MID2: variants seen among roughly 807,000 people sequenced by gnomAD.
MID2 encodes the protein midline 2, also known as probable E3 ubiquitin-protein ligase MID2.
Under a neutral mutation model 46.1 loss-of-function variants are expected in MID2, and 13 were observed. The ratio of observed to expected loss-of-function variants is 0.28; its 90% CI spans 0.18 to 0.45. The LOEUF is 0.45. Ranked by LOEUF, MID2 falls within the 20% of genes least tolerant of loss-of-function variation. The probability of loss-of-function intolerance (pLI) is 1.00; values close to 1 mark genes in which losing one functional copy is unlikely to be tolerated. For synonymous variants in MID2, 199 were observed against 212.3 expected (o/e 0.94, Z 0.55); for missense variants, 431 against 575.4 (o/e 0.75, Z 2.57).
At chrX:107,907,708 C>T (rs1168632661) in intron 5 of MID2, among the ~76,000 whole-genome samples, 2 of 111,758 alleles carry the variant, frequency 1.8e-5, no homozygotes, top group East Asian at 2.8e-4. Context: ...CAGCAAACTT[C>T]GCGAAAGACT....
At position 107,825,984 on chromosome X, in the gene MID2, G is replaced by A. The variant is rs1930930773; in HGVS notation, c.-443G>A. ...AGGTGGCCGAGCACCCCTTCTTCTTGGGCCCTTCCCAGTGCTCCCTTGGGG... is the reference window on the plus strand; with the variant it reads ...AGGTGGCCGAGCACCCCTTCTTCTTAGGCCCTTCCCAGTGCTCCCTTGGGG... On this transcript the variant is annotated 5_prime_UTR_variant, in exon 1 of 10. Transcript: ENST00000262843. The A allele has an allele frequency of 3.6e-6, 1 of 274,715 alleles. No homozygotes were observed. Among genetic ancestry groups the A allele is most frequent in the Non-Finnish European group, 6.4e-6 (1 of 156,819 alleles). 22.6% of individuals were successfully genotyped at this position (274,715 alleles called of 1,213,427 possible). A position where few individuals can be genotyped will look rare whatever the true frequency, so the allele number is the denominator to read the frequency against.
chrX:107,873,721 A>G (rs779469046), intron 3 of MID2, among the ~76,000 whole-genome samples: 93 of 110,555 alleles, frequency 8.4e-4, no homozygotes, highest in African/African-American at 3.0e-3. Flanking sequence ...CTGCCAATCT[A>G]TTTTGCTTGG....
chrX:107,918,657 C>T (rs1933014903), intron 7 of MID2, among the ~76,000 whole-genome samples: 2 of 111,415 alleles, frequency 1.8e-5, no homozygotes, highest in African/African-American at 3.3e-5. Context: ...ACATTTGCTT[C>T]GTGCAGCTCC....
intron 5 of MID2, among the ~76,000 whole-genome samples, chrX:107,909,234 A>AT (rs996529095): frequency 6.3e-5 from 7 of 111,148 alleles, no homozygotes; most frequent in African/African-American, 2.3e-4. Context: ...TCTAGAGACA[A>AT]TTTTTCTCCA....
At chrX:107,852,044 C>T (rs1467490348) in intron 2 of MID2, among the ~76,000 whole-genome samples, 1 of 111,224 alleles carries the variant, frequency 9.0e-6, no homozygotes, top group Non-Finnish European at 1.9e-5. Flanking sequence ...ATGTGTCTAC[C>T]GCCATGCCTG....
intron 1 of MID2, among the ~76,000 whole-genome samples, chrX:107,839,802 A>T (rs1349119718): frequency 1.8e-5 from 2 of 112,571 alleles, no homozygotes; most frequent in East Asian, 5.5e-4. Context: ...GAAAAGACAC[A>T]TGGGAGGTGA....
intron 3 of MID2, among the ~76,000 whole-genome samples, chrX:107,870,583 A>G (rs989484946): frequency 6.3e-5 from 7 of 111,489 alleles, no homozygotes; most frequent in East Asian, 2.8e-4. Context: ...TATACATTGC[A>G]TATGATAGTC....
At chrX:107,866,422 A>AAC (rs57100746) in intron 3 of MID2, among the ~76,000 whole-genome samples, 291 of 81,184 alleles carry the variant, frequency 3.6e-3, no homozygotes, top group East Asian at 7.2e-3. Context: ...AGCCACTGAA[A>AAC]ACACACACAC....
chrX:107,904,070 A>G lies in MID2; in HGVS notation c.924+5A>G, dbSNP rs772309195. The G allele has an allele frequency of 1.8e-6, 2 of 1,113,093 alleles. No homozygotes were observed. Among genetic ancestry groups the G allele is most frequent in the South Asian group, 3.7e-5 (2 of 54,591 alleles). 91.7% of individuals were successfully genotyped at this position (1,113,093 alleles called of 1,213,427 possible). On this transcript the variant is annotated splice_donor_5th_base_variant and intron_variant, in intron 4 of 9. Transcript: ENST00000262843. ...GTCAAAATCAAAGAGACAAAGGTAA[A>G]GCGCAGCACTTCAGTGAATCCAAGG...
chrX:107,927,401 A>C lies in MID2; in HGVS notation c.*328A>C, dbSNP rs748699490. On this transcript the variant is annotated 3_prime_UTR_variant, in exon 10 of 10. Transcript: ENST00000262843. ...GAAGCAATTAGGGTAATTCTAGTTAAATAATGTGGAAAGGTGCCCTGAATA... is the reference window on the plus strand; with the variant it reads ...GAAGCAATTAGGGTAATTCTAGTTACATAATGTGGAAAGGTGCCCTGAATA... Among the ~76,000 whole-genome samples, 1 of 111,762 alleles carries C rather than the reference A, an allele frequency of 8.9e-6. No individual in the cohort carries two copies. The highest frequency in any genetic ancestry group is 2.8e-4 in the East Asian group (1 of 3,567).
rs183472144 is a variant in MID2, at chrX:107,833,722, G to C, written c.5-6948G>C. 1.1e-4 allele frequency among the ~76,000 whole-genome samples: 12 copies of C among 111,966 alleles called. No individual in the cohort carries two copies. The East Asian group carries it at 3.3e-3, about 31-fold the overall frequency. On this transcript the variant is annotated intron_variant, in intron 1 of 9. Coordinates refer to ENST00000262843, the MANE Select transcript of MID2 (RefSeq NM_012216.4). ...GAGTTAGCTAAAGGCTAGATTTGGA[G>C]GACAATGCTGAAATCAGTCTTTTAT...
intron 3 of MID2, among the ~76,000 whole-genome samples, chrX:107,862,152 C>CAGG (rs773646426): frequency 5.7e-4 from 63 of 110,439 alleles, no homozygotes; most frequent in African/African-American, 2.0e-3. Context: ...GTCATAGTAG[C>CAGG]AGGAGGAGGA....
At chrX:107,866,238 T>C (rs1931952811) in intron 3 of MID2, among the ~76,000 whole-genome samples, 1 of 112,140 alleles carries the variant, frequency 8.9e-6, no homozygotes, top group African/African-American at 3.2e-5. Context: ...GGCTTTAGAA[T>C]GAAATGGAAT....
intron 3 of MID2, among the ~76,000 whole-genome samples, chrX:107,858,733 T>C (rs1039520342): frequency 1.9e-4 from 21 of 112,342 alleles, no homozygotes; most frequent in African/African-American, 6.8e-4. Flanking sequence ...ATTTTACTTA[T>C]TTAGTCTTGT....
intron 3 of MID2, among the ~76,000 whole-genome samples, chrX:107,889,420 C>A (rs1325948513): frequency 6.3e-5 from 7 of 111,403 alleles, no homozygotes; most frequent in South Asian, 3.8e-4. Context: ...GTTGAAAATT[C>A]TTTTCTTTAA....
At chrX:107,902,340 A>C (rs990292953) in intron 3 of MID2, among the ~76,000 whole-genome samples, 4 of 111,807 alleles carry the variant, frequency 3.6e-5, no homozygotes, top group African/African-American at 1.3e-4. Context: ...AGAAATTATA[A>C]ATGGCAAGTG....
intron 2 of MID2, among the ~76,000 whole-genome samples, chrX:107,850,972 A>G (rs936824642): frequency 3.6e-5 from 4 of 112,525 alleles, no homozygotes; most frequent in African/African-American, 1.3e-4. Context: ...AATGCATTAC[A>G]GTTGGAAACA....
intron 3 of MID2, chrX:107,895,224 G>A (rs1017755455): frequency 9.4e-6 from 1 of 106,573 alleles, no homozygotes; most frequent in South Asian, 4.3e-4. Flanking sequence ...TTGGGGGGGG[G>A]GTGGATAGTT....
At chrX:107,874,986 C>T (rs1211485734) in intron 3 of MID2, among the ~76,000 whole-genome samples, 5 of 110,704 alleles carry the variant, frequency 4.5e-5, no homozygotes, top group South Asian at 4.0e-4. Context: ...TTCCTCAGTT[C>T]GAGCACAGAG....
Sources: gnomAD v4.1 joint callset for allele counts (sites outside exome capture counted in the v4.1 genomes callset) on GRCh38, gnomAD v4.1.1 for gene constraint, MANE v1.5 for transcripts, NCBI Gene and HGNC (gene_info 2026-07-23, HGNC 2026-07-21) for gene names.